PRDM1: variants seen among roughly 807,000 people sequenced by gnomAD.
The protein encoded by PRDM1 is PR domain zinc finger protein 1.
PRDM1 carries 13 observed loss-of-function variants against 62.8 expected under a neutral mutation model. The ratio of observed to expected loss-of-function variants is 0.21; its 90% confidence interval spans 0.13 to 0.33. The LOEUF (loss-of-function observed/expected upper bound fraction) is 0.33, where lower values mean the gene tolerates loss of function less well. Among genes scored for constraint, PRDM1 ranks in the 10% least tolerant of loss-of-function variants. The pLI, the probability that PRDM1 is intolerant of heterozygous loss-of-function variation, is 1.00. For synonymous variants in PRDM1, 396 were observed against 417.6 expected, an observed-to-expected ratio of 0.95 and a Z score of 0.63; for missense variants, 895 against 1,058.8, an observed-to-expected ratio of 0.85 and a Z score of 2.15.
chr6:106,100,753 C>G (rs1156567216), intron 4 of PRDM1, among the ~76,000 whole-genome samples: 1 of 152,118 alleles, frequency 6.6e-6, no homozygotes, highest in Non-Finnish European at 1.5e-5. Context: ...TTCTGAAAAT[C>G]TGGGGCTATA....
intron 1 of PRDM1, among the ~76,000 whole-genome samples, chr6:106,026,491 T>A (rs897988771): frequency 2.0e-5 from 3 of 151,106 alleles, no homozygotes; most frequent in Admixed American, 1.3e-4. Flanking sequence ...AAAATAATAA[T>A]AAATAATAAT....
At chr6:106,033,979 G>A (rs910563762) in intron 1 of PRDM1, among the ~76,000 whole-genome samples, 2 of 151,714 alleles carry the variant, frequency 1.3e-5, no homozygotes, top group African/African-American at 2.4e-5. Context: ...ATTCAGTCTT[G>A]GTAGGTTTTG....
chr6:106,039,840 A>G (rs1466694914), intron 1 of PRDM1, among the ~76,000 whole-genome samples: 2 of 152,228 alleles, frequency 1.3e-5, no homozygotes, highest in Non-Finnish European at 2.9e-5. Flanking sequence ...TGCCTTAATC[A>G]GTTAGCTAGT....
At chr6:106,098,326 G>C (rs1774168238) in intron 3 of PRDM1, 1 of 985,222 alleles carries the variant, frequency 1.0e-6, no homozygotes, top group African/African-American at 1.7e-5. Context: ...TGTGTTTATA[G>C]TTTCAGTAAG....
chr6:106,035,814 T>G (rs1229694380), intron 1 of PRDM1, among the ~76,000 whole-genome samples: 1 of 149,402 alleles, frequency 6.7e-6, no homozygotes, highest in East Asian at 1.9e-4. Flanking sequence ...TGTTTTCTAA[T>G]TCAGTCTGCC....
At chr6:106,094,938 C>T (rs1445753075) in intron 2 of PRDM1, among the ~76,000 whole-genome samples, 2 of 149,906 alleles carry the variant, frequency 1.3e-5, no homozygotes, top group Non-Finnish European at 3.0e-5. Context: ...CACACGAGGG[C>T]CTTTGACCAC....
chr6:106,103,528 T>C (rs547057), intron 4 of PRDM1, among the ~76,000 whole-genome samples: 54,090 of 151,990 alleles, frequency 0.36, 9,786 homozygotes, highest in Middle Eastern at 0.42. Flanking sequence ...TGAGTGACTG[T>C]CCTCCAATAA....
intron 1 of PRDM1, among the ~76,000 whole-genome samples, chr6:106,000,025 A>G (rs1772409245): frequency 6.6e-6 from 1 of 151,872 alleles, no homozygotes; most frequent in Non-Finnish European, 1.5e-5. Flanking sequence ...AATTTTTTAT[A>G]TTTTTAATAG....
At position 106,105,486 on chromosome 6, in the gene PRDM1, G is replaced by T. The variant is rs1323047664; in HGVS notation, c.1326G>T (p.Arg442Ser). ...NGINNFGLFP[R>S]LCPVYSNLLG... ...TCAACAACTTTGGCCTCTTCCCGAGGCTGTGCCCTGTCTACAGCAATCTCC... is the reference window on the plus strand; with the variant it reads ...TCAACAACTTTGGCCTCTTCCCGAGTCTGTGCCCTGTCTACAGCAATCTCC... Residue 442 changes from arginine (R) to serine (S), a missense_variant, in exon 5 of 7, where the codon AGG becomes AGT. Coordinates refer to ENST00000369096, the MANE Select transcript of PRDM1 (RefSeq NM_001198.4). 1.9e-6 allele frequency: 3 copies of T among 1,613,952 alleles called. No homozygotes were observed. Among genetic ancestry groups the T allele is most frequent in the African/African-American group, 2.7e-5 (2 of 74,904 alleles).
upstream of PRDM1, among the ~76,000 whole-genome samples, chr6:106,047,453 A>G (rs1773098462): frequency 6.6e-6 from 1 of 152,246 alleles, no homozygotes; most frequent in African/African-American, 2.4e-5. Flanking sequence ...TTGTGGGCCA[A>G]ACTGTAAGTT....
At chr6:106,098,631 T>C (rs1000631051) in intron 3 of PRDM1, 9 of 1,328,294 alleles carry the variant, frequency 6.8e-6, no homozygotes, top group South Asian at 1.2e-5. Context: ...TTCTCAGTAA[T>C]AGACTGTCAA....
upstream of PRDM1, chr6:106,046,776 C>T (rs35991001): frequency 8.2e-3 from 1,242 of 152,370 alleles, 12 homozygotes; most frequent in Non-Finnish European, 0.012. Flanking sequence ...AGTTTCCAGG[C>T]GGCTTGAGTG....
At chr6:106,024,898 A>G (rs531319677) in intron 1 of PRDM1, among the ~76,000 whole-genome samples, 1 of 152,288 alleles carries the variant, frequency 6.6e-6, no homozygotes, top group East Asian at 1.9e-4. Flanking sequence ...CAACAACAAA[A>G]TGGAAATGGA....
chr6:105,997,989 A>G (rs1772370183), intron 1 of PRDM1, among the ~76,000 whole-genome samples: 2 of 152,250 alleles, frequency 1.3e-5, no homozygotes, highest in Non-Finnish European at 2.9e-5. Flanking sequence ...GGTTGAGTTT[A>G]GAAATATTCT....
At chr6:106,002,911 C>T (rs1772444083) in intron 1 of PRDM1, among the ~76,000 whole-genome samples, 1 of 152,146 alleles carries the variant, frequency 6.6e-6, no homozygotes, top group African/African-American at 2.4e-5. Context: ...ATAGAGTTGG[C>T]CATTCTCTTT....
intron 1 of PRDM1, among the ~76,000 whole-genome samples, chr6:106,042,310 C>T (rs558446886): frequency 4.0e-5 from 6 of 150,492 alleles, no homozygotes; most frequent in Admixed American, 3.3e-4. Flanking sequence ...CACCTGAGAT[C>T]GGGAGTTTGA....
intron 1 of PRDM1, among the ~76,000 whole-genome samples, chr6:106,076,858 A>G (rs1773612676): frequency 6.6e-6 from 1 of 152,212 alleles, no homozygotes; most frequent in Non-Finnish European, 1.5e-5. Context: ...CTGTGGGTGG[A>G]GTGGCTTTCC....
At chr6:106,071,168 G>A (rs1404309157) in intron 1 of PRDM1, among the ~76,000 whole-genome samples, 1 of 152,018 alleles carries the variant, frequency 6.6e-6, no homozygotes, top group South Asian at 2.1e-4. Context: ...GCTACTTGTG[G>A]GGGCTGAGGC....
At chr6:106,012,168 CACCACACTA>C (rs1772561300) in intron 1 of PRDM1, among the ~76,000 whole-genome samples, 1 of 146,242 alleles carries the variant, frequency 6.8e-6, no homozygotes, top group Non-Finnish European at 1.5e-5. Context: ...CATTCACACA[CACCACACTA>C]CACACACACA....
Sources: allele counts gnomAD v4.1 joint callset (sites outside exome capture counted in the v4.1 genomes callset), GRCh38; gene constraint gnomAD v4.1.1; transcripts MANE v1.5; gene names NCBI Gene and HGNC (gene_info 2026-07-23, HGNC 2026-07-21).